INTS13: variants seen among roughly 807,000 people sequenced by gnomAD.
INTS13 encodes the protein asunder, spermatogenesis regulator homolog (Drosphila).
Under a neutral mutation model 90.2 loss-of-function variants are expected in INTS13, and 35 were observed. The ratio of observed to expected loss-of-function variants is 0.39; its 90% CI spans 0.30 to 0.51. The LOEUF (loss-of-function observed/expected upper bound fraction) is 0.51, where lower values mean the gene tolerates loss of function less well. Ranked by LOEUF, INTS13 falls within the 20% of genes least tolerant of loss-of-function variation. The pLI, the probability that INTS13 is intolerant of heterozygous loss-of-function variation, is 0.80. For synonymous variants in INTS13, 309 were observed against 277.1 expected (o/e 1.11, Z -1.14); for missense variants, 601 against 851.2 (o/e 0.71, Z 3.66).
rs749221300 is a variant in INTS13 at position 26,928,689 on chromosome 12, A to G, written c.503+14T>C. 2 of 1,612,544 alleles carry G rather than the reference A, an allele frequency of 1.2e-6. No individual in the cohort carries two copies. The highest frequency in any genetic ancestry group is 1.7e-6 in the Non-Finnish European group (2 of 1,179,380). ...ATTCCCACAGTGAAAGAATTGCTAT[A>G]ATCAACACCTCACCTTTTTGCATTA... On this transcript the variant is annotated intron_variant, in intron 4 of 16. Transcript: ENST00000261191.
chr12:26,927,874 G>A (rs147174015), intron 5 of INTS13, among the ~76,000 whole-genome samples: 14 of 152,124 alleles, frequency 9.2e-5, no homozygotes, highest in African/African-American at 2.9e-4. Flanking sequence ...CTTCGGCCCC[G>A]CAAAGTGCTG....
intron 8 of INTS13, among the ~76,000 whole-genome samples, chr12:26,918,283 G>A (rs960930572): frequency 2.0e-5 from 3 of 152,038 alleles, no homozygotes; most frequent in African/African-American, 7.2e-5. Flanking sequence ...TGAAAAAAAT[G>A]TCAGAGAAAC....
At chr12:26,913,149 T>C (rs994410295) in intron 14 of INTS13, among the ~76,000 whole-genome samples, 9 of 152,142 alleles carry the variant, frequency 5.9e-5, no homozygotes, top group Non-Finnish European at 1.3e-4. Flanking sequence ...AACAGAGGAA[T>C]AAAATTATGT....
intron 4 of INTS13, 104 bp downstream of exon 4, chr12:26,928,599 G>T: frequency 4.2e-6 from 5 of 1,180,036 alleles, no homozygotes; most frequent in Non-Finnish European, 6.0e-6. Flanking sequence ...CTTGTAATAT[G>T]CTTAAACGTA....
intron 10 of INTS13, 42 bp downstream of exon 10, chr12:26,917,310 T>C (rs768519384): frequency 1.6e-5 from 11 of 667,076 alleles, no homozygotes; most frequent in Admixed American, 3.0e-5. Context: ...ATTCAAATAA[T>C]ATAAATAATT....
intron 2 of INTS13, 107 bp from the exon 3 acceptor site, chr12:26,934,737 A>G: frequency 2.3e-6 from 2 of 862,634 alleles, no homozygotes; most frequent in Non-Finnish European, 3.9e-6. Context: ...TGATTCATTC[A>G]TTCTTCTTTT....
intron 10 of INTS13, 114 bp from the exon 11 acceptor site, chr12:26,916,294 C>T: frequency 3.2e-6 from 3 of 951,070 alleles, no homozygotes; most frequent in Non-Finnish European, 4.5e-6. Flanking sequence ...CGTATTTTAA[C>T]CAGCATTGCT....
chr12:26,936,529 C>T (rs775707901), intron 2 of INTS13, 50 bp downstream of exon 2: 2 of 1,313,278 alleles, frequency 1.5e-6, no homozygotes, highest in East Asian at 2.4e-5. Context: ...TTCATTTATG[C>T]AGTTAAGTAC....
rs570357966 is a variant in INTS13, at chr12:26,936,102, C to G, written c.225+477G>C. The stretch of plus-strand genomic sequence containing the variant: ...GCCAGCTTAGGTTCAAATTCTGGCT[C>G]TGCCTCTACGTAACTATGTGACTCA... On this transcript the variant is annotated intron_variant, in intron 2 of 16. Transcript: ENST00000261191. Among the ~76,000 whole-genome samples the G allele has an allele frequency of 2.2e-3, 330 of 152,338 alleles. 1 individual carries two copies. Among genetic ancestry groups the G allele is most frequent in the African/African-American group, 7.8e-3 (323 of 41,576 alleles).
In INTS13 at chr12:26,906,405, T is replaced by G; in HGVS notation, c.1978A>C (p.Arg660=). The change falls in exon 16 of 17, where the codon AGA becomes CGA. Residue 660 remains arginine (R), a synonymous_variant. Transcript: ENST00000261191. ...PVSLLSLWSN[R]INTANSRKHQ... The stretch of plus-strand genomic sequence containing the variant: ...TTTCTGGAATTGGCAGTATTGATTC[T>G]ATTACTCCACAAGGATAATAACGAC... 1 of 1,612,430 alleles carries G rather than the reference T, an allele frequency of 6.2e-7. No individual in the cohort carries two copies. The highest frequency in any genetic ancestry group is 8.5e-7 in the Non-Finnish European group (1 of 1,179,028).
chr12:26,928,831 G>C lies in INTS13; in HGVS notation c.375C>G (p.Gly125=). The C allele has an allele frequency of 6.2e-7, 1 of 1,614,176 alleles. No homozygotes were observed. Among genetic ancestry groups the C allele is most frequent in the Admixed American group, 1.7e-5 (1 of 60,026 alleles). Residue 125 remains glycine (G), a synonymous_variant, in exon 4 of 17, where the codon GGC becomes GGG. Transcript: ENST00000261191. ...ADPECCSILH[G]LVAAVETLCK... ...AGAGAGTTTCCACTGCTGCAACAAG[G>C]CCATGCAGAATACTGCAGCACTCTG...
At chr12:26,912,882 C>T (rs1951824377) in intron 14 of INTS13, among the ~76,000 whole-genome samples, 1 of 152,126 alleles carries the variant, frequency 6.6e-6, no homozygotes, top group African/African-American at 2.4e-5. Flanking sequence ...CATGCACCCC[C>T]ATACCCAGCT....
chr12:26,905,805 C>T (rs759402216), intron 16 of INTS13, among the ~76,000 whole-genome samples: 1 of 152,118 alleles, frequency 6.6e-6, no homozygotes, highest in Non-Finnish European at 1.5e-5. Context: ...ATACCACACT[C>T]TCCCTTTCCA....
intron 14 of INTS13, among the ~76,000 whole-genome samples, chr12:26,912,878 C>A (rs1366875490): frequency 6.6e-6 from 1 of 152,064 alleles, no homozygotes; most frequent in Non-Finnish European, 1.5e-5. Context: ...CAGGCATGCA[C>A]CCCCATACCC....
intron 3 of INTS13, 132 bp downstream of exon 3, chr12:26,934,424 G>A (rs1268373246): frequency 4.5e-6 from 3 of 673,002 alleles, no homozygotes; most frequent in Admixed American, 5.6e-5. Context: ...GGGGATAGCT[G>A]TTTTCATATG....
At chr12:26,908,830 C>T (rs1040639718) in intron 15 of INTS13, among the ~76,000 whole-genome samples, 1 of 152,148 alleles carries the variant, frequency 6.6e-6, no homozygotes, top group African/African-American at 2.4e-5. Context: ...CAAGGAAAGG[C>T]AGTAATATGC....
At chr12:26,909,232 G>A (rs538335344) in intron 15 of INTS13, among the ~76,000 whole-genome samples, 8 of 152,146 alleles carry the variant, frequency 5.3e-5, no homozygotes, top group African/African-American at 1.9e-4. Flanking sequence ...GTGGTGGCAG[G>A]CACCTATAAT....
At chr12:26,930,210 A>G (rs1938116918) in intron 3 of INTS13, among the ~76,000 whole-genome samples, 1 of 152,248 alleles carries the variant, frequency 6.6e-6, no homozygotes, top group African/African-American at 2.4e-5. Context: ...GGAAGAGTTA[A>G]TATTGTTAAG....
intron 8 of INTS13, among the ~76,000 whole-genome samples, chr12:26,919,792 G>A (rs182024511): frequency 5.3e-5 from 8 of 152,222 alleles, no homozygotes; most frequent in Admixed American, 5.2e-4. Context: ...GTAGGTGACT[G>A]AGAGACATCT....
Sources: gnomAD v4.1 joint callset for allele counts (sites outside exome capture counted in the v4.1 genomes callset) on GRCh38, gnomAD v4.1.1 for gene constraint, MANE v1.5 for transcripts, NCBI Gene and HGNC (gene_info 2026-07-23, HGNC 2026-07-21) for gene names.